The following IMMP2L variants were observed in gnomAD, a reference collection of about 807,000 sequenced individuals.
The protein encoded by IMMP2L is inner mitochondrial membrane peptidase subunit 2.
In IMMP2L, 18 loss-of-function variants were observed where a neutral mutation model predicts 19.3. The ratio of observed to expected loss-of-function variants is 0.93; its 90% confidence interval spans 0.64 to 1.38. The LOEUF (loss-of-function observed/expected upper bound fraction) is 1.38. Ranked by LOEUF, IMMP2L falls within the 40% of genes most tolerant of loss-of-function variation. The pLI, the probability that IMMP2L is intolerant of heterozygous loss-of-function variation, is 0.00. For synonymous variants in IMMP2L, 76 were observed against 73.0 expected (o/e 1.04, Z -0.21); for missense variants, 233 against 218.2 (o/e 1.07, Z -0.43).
intron 3 of IMMP2L, among the ~76,000 whole-genome samples, chr7:111,202,789 A>T (rs1365556563): frequency 6.6e-6 from 1 of 152,218 alleles, no homozygotes; most frequent in African/African-American, 2.4e-5. Context: ...TGATTAGTAG[A>T]GTAGAAACAG....
intron 3 of IMMP2L, among the ~76,000 whole-genome samples, chr7:111,054,828 T>C (rs1793345945): frequency 1.3e-5 from 2 of 152,194 alleles, no homozygotes; most frequent in African/African-American, 4.8e-5. Flanking sequence ...GTTCAGGATA[T>C]GTCTTCCCGA....
intron 3 of IMMP2L, among the ~76,000 whole-genome samples, chr7:111,276,563 C>A (rs907897341): frequency 2.0e-5 from 3 of 151,110 alleles, no homozygotes; most frequent in South Asian, 2.1e-4. Flanking sequence ...CAGCTGTGAT[C>A]CCATCTGATC....
chr7:110,948,568 T>C (rs2129553855), intron 4 of IMMP2L, among the ~76,000 whole-genome samples: 1 of 152,338 alleles, frequency 6.6e-6, no homozygotes, highest in East Asian at 1.9e-4. Flanking sequence ...CAACTGCAGC[T>C]ATTCCTTTTG....
At chr7:111,561,464 T>C (rs780378719) in intron 1 of IMMP2L, among the ~76,000 whole-genome samples, 3 of 152,154 alleles carry the variant, frequency 2.0e-5, no homozygotes, top group Non-Finnish European at 4.4e-5. Context: ...CTGTTCATTA[T>C]CAAACAGGAC....
At chr7:110,999,816 C>T (rs1181734694) in intron 3 of IMMP2L, among the ~76,000 whole-genome samples, 2 of 152,100 alleles carry the variant, frequency 1.3e-5, no homozygotes, top group Admixed American at 6.6e-5. Flanking sequence ...GAAAGAAGGA[C>T]TTATTCCTCA....
intron 4 of IMMP2L, among the ~76,000 whole-genome samples, chr7:110,928,125 C>A (rs1050427547): frequency 5.9e-5 from 9 of 151,944 alleles, no homozygotes; most frequent in Admixed American, 4.6e-4. Flanking sequence ...AGAGTTTCTT[C>A]TCTTGCCTCT....
At chr7:110,922,747 A>C (rs904322501) in intron 4 of IMMP2L, among the ~76,000 whole-genome samples, 1 of 152,094 alleles carries the variant, frequency 6.6e-6, no homozygotes, top group Admixed American at 6.6e-5. Flanking sequence ...AAAATTCTGC[A>C]GCCACCGATT....
At chr7:111,517,885 C>A (rs1031617061) in intron 2 of IMMP2L, among the ~76,000 whole-genome samples, 1 of 152,038 alleles carries the variant, frequency 6.6e-6, no homozygotes, top group African/African-American at 2.4e-5. Context: ...TAATCATTAA[C>A]CAACAATTTG....
chr7:111,219,363 G>T (rs1205129428), intron 3 of IMMP2L, among the ~76,000 whole-genome samples: 1 of 151,840 alleles, frequency 6.6e-6, no homozygotes, highest in Non-Finnish European at 1.5e-5. Flanking sequence ...CTGTTCCCAA[G>T]ACCTAATAAA....
intron 2 of IMMP2L, among the ~76,000 whole-genome samples, chr7:111,517,917 G>T (rs566136471): frequency 3.3e-5 from 5 of 152,100 alleles, no homozygotes; most frequent in Non-Finnish European, 5.9e-5. Flanking sequence ...ATTGTGTCGA[G>T]CATTGCAAAA....
chr7:111,309,235 G>A (rs747633303), intron 3 of IMMP2L, among the ~76,000 whole-genome samples: 1 of 152,108 alleles, frequency 6.6e-6, no homozygotes, highest in Admixed American at 6.5e-5. Context: ...GCTGACAAAT[G>A]TACAACAAAC....
chr7:111,278,587 T>C (rs1207547819), intron 3 of IMMP2L, among the ~76,000 whole-genome samples: 4 of 152,194 alleles, frequency 2.6e-5, no homozygotes, highest in Non-Finnish European at 5.9e-5. Context: ...CACACCCCAG[T>C]TGTGAAACTC....
intron 3 of IMMP2L, among the ~76,000 whole-genome samples, chr7:111,460,349 G>T (rs187371573): frequency 1.3e-5 from 2 of 152,196 alleles, no homozygotes; most frequent in East Asian, 3.9e-4. Flanking sequence ...GAGTTTTAGT[G>T]CAAATTCCAA....
At chr7:110,784,661 G>A (rs1799952504) in intron 5 of IMMP2L, among the ~76,000 whole-genome samples, 1 of 151,896 alleles carries the variant, frequency 6.6e-6, no homozygotes, top group African/African-American at 2.4e-5. Flanking sequence ...CTCTCAATGA[G>A]GTCTCCAATT....
chr7:111,167,322 T>C (rs1044877532), intron 3 of IMMP2L, among the ~76,000 whole-genome samples: 2 of 151,982 alleles, frequency 1.3e-5, no homozygotes, highest in Non-Finnish European at 2.9e-5. Flanking sequence ...ACTGTTTTTA[T>C]GGGTTCCCTG....
intron 3 of IMMP2L, among the ~76,000 whole-genome samples, chr7:110,978,603 C>T (rs1354341707): frequency 6.6e-6 from 1 of 151,896 alleles, no homozygotes; most frequent in East Asian, 1.9e-4. Context: ...TTTATAAAGG[C>T]TGTGTGTCCA....
intron 5 of IMMP2L, among the ~76,000 whole-genome samples, chr7:110,847,614 A>T (rs550629093): frequency 6.6e-6 from 1 of 152,288 alleles, no homozygotes; most frequent in South Asian, 2.1e-4. Flanking sequence ...TAGCCACTCA[A>T]TATTGAAGGA....
intron 5 of IMMP2L, among the ~76,000 whole-genome samples, chr7:110,826,249 C>G (rs1584948843): frequency 6.6e-6 from 1 of 152,150 alleles, no homozygotes; most frequent in Non-Finnish European, 1.5e-5. Context: ...GGACTGTAAA[C>G]TAGTTCAACC....
At chr7:111,059,934 AAG>A (rs1478381338) in intron 3 of IMMP2L, among the ~76,000 whole-genome samples, 43 of 145,768 alleles carry the variant, frequency 2.9e-4, no homozygotes, top group East Asian at 3.9e-4. Flanking sequence ...AAAAAAAAAA[AAG>A]AAAAAAAAAG....
Sources: allele counts gnomAD v4.1 joint callset (sites outside exome capture counted in the v4.1 genomes callset), GRCh38; gene constraint gnomAD v4.1.1; transcripts MANE v1.5; gene names NCBI Gene and HGNC (gene_info 2026-07-23, HGNC 2026-07-21).